Variants in ARL4A observed in about 807,000 individuals in gnomAD.
ARL4A encodes the protein ADP-ribosylation factor-like protein 4A.
Under a neutral mutation model 13.9 loss-of-function variants are expected in ARL4A, and 5 were observed. That is an observed-to-expected ratio of 0.36 (90% CI 0.19 to 0.75). ARL4A has a LOEUF of 0.75. ARL4A is among the 30% of genes least tolerant of loss of function. The probability of loss-of-function intolerance (pLI) is 0.53; values close to 1 mark genes in which losing one functional copy is unlikely to be tolerated. For missense variants in ARL4A, 147 were observed against 225.8 expected (o/e 0.65, Z 2.24); for synonymous variants, 77 against 84.4 (o/e 0.91, Z 0.48).
chr7:12,687,551 A>G (rs1478663162), upstream of ARL4A: 1 of 152,752 alleles, frequency 6.5e-6, no homozygotes, highest in Non-Finnish European at 1.5e-5. This position sits in a 1 kb window ranked among gnomAD's most constrained non-coding sequence, Gnocchi z 5.6. Context: ...CGGGTGACCA[A>G]TGGGATTTGG....
In ARL4A at chr7:12,688,897, C is replaced by G. The variant is rs1266357824; in HGVS notation, c.*40C>G. The G allele has an allele frequency of 5.2e-6, 8 of 1,544,644 alleles. No individual in the cohort carries two copies. The highest frequency in any genetic ancestry group is 2.0e-5 in the Admixed American group (1 of 49,764). ...TATATCTGTGTGGAGTAGGTTTTCT[C>G]TGGTCTGATTTTGACAAATAGAAGA... On this transcript the variant is annotated 3_prime_UTR_variant, in exon 2 of 2. Transcript: ENST00000651779. The surrounding 1 kb of genome is among the most constrained non-coding windows in gnomAD (Gnocchi z 5.2).
At position 12,690,767 on chromosome 7, in the gene ARL4A, G is replaced by C. The variant is rs1465647107; in HGVS notation, c.*1910G>C. 6.0e-6 allele frequency: 1 copy of C among 166,208 alleles called. No individual in the cohort carries two copies. The highest frequency in any genetic ancestry group is 2.4e-5 in the African/African-American group (1 of 41,272). 10.3% of individuals were successfully genotyped at this position (166,208 alleles called of 1,614,324 possible). On this transcript the variant is annotated 3_prime_UTR_variant, in exon 2 of 2. Coordinates refer to ENST00000651779, the MANE Select transcript of ARL4A (RefSeq NM_005738.5). ...ATTTACCAGTTTGCCTGTACTTTCT[G>C]TCTACCTACTATGTAAAATAGTGCT...
Position 12,688,688 on chromosome 7 carries a change from C to T in ARL4A, c.434C>T (p.Ser145Leu). Residue 145 changes from serine to leucine, a missense_variant, in exon 2 of 2, where the codon TCA (serine) becomes TTA (leucine). By Grantham distance (145) the Ser-to-Leu change is moderately radical. Transcript: ENST00000651779. The surrounding 1 kb of genome is among the most constrained non-coding windows in gnomAD (Gnocchi z 5.2). The part of the protein sequence containing the change: ...KQDLRNSLSL[S>L]EIEKLLAMGE... ...GATTTGAGGAACTCATTGTCACTTT[C>T]AGAAATTGAGAAATTGTTAGCAATG... 6.2e-7 allele frequency: 1 copy of T among 1,613,950 alleles called. No homozygotes were observed. Among genetic ancestry groups the T allele is most frequent in the Non-Finnish European group, 8.5e-7 (1 of 1,179,870 alleles).
Position 12,690,220 on chromosome 7 carries a change from G to C in ARL4A, c.*1363G>C, listed in dbSNP as rs538619784. The C allele has an allele frequency of 2.4e-5, 4 of 166,762 alleles. No homozygotes were observed. The highest frequency in any genetic ancestry group is 9.6e-5 in the African/African-American group (4 of 41,472). 10.3% of individuals were successfully genotyped at this position (166,762 alleles called of 1,614,324 possible). A position where few individuals can be genotyped will look rare whatever the true frequency, so the allele number is the denominator to read the frequency against. Reference sequence around the variant, plus strand: ...AATCAGCTTATTTTTTATGTCTAAAGCAACAGCTGTTCTGAAAAATCACCA... The same window carrying C: ...AATCAGCTTATTTTTTATGTCTAAACCAACAGCTGTTCTGAAAAATCACCA... On this transcript the variant is annotated 3_prime_UTR_variant, in exon 2 of 2. Coordinates refer to ENST00000651779, the MANE Select transcript of ARL4A (RefSeq NM_005738.5).
chr7:12,688,087 T>C lies in ARL4A; in HGVS notation c.-89-79T>C, dbSNP rs1450478415. ...AAGTTATAGTAAGTTCTTCGTGTTG[T>C]TTATTTTAGCAAAGTAGAGCAAACC... On this transcript the variant is annotated intron_variant, in intron 1 of 1. Transcript: ENST00000651779. This position sits in a 1 kb window ranked among gnomAD's most constrained non-coding sequence, Gnocchi z 5.2. 2 of 1,016,714 alleles carry C rather than the reference T, an allele frequency of 2.0e-6. No homozygotes were observed. The highest frequency in any genetic ancestry group is 1.6e-5 in the African/African-American group (1 of 61,854). The allele number at this position is 1,016,714 out of a possible 1,614,324, so 63.0% of individuals were successfully genotyped here. A position where few individuals can be genotyped will look rare whatever the true frequency, so the allele number is the denominator to read the frequency against.
In ARL4A at chr7:12,688,804, G is replaced by T. The variant is rs1447790080; in HGVS notation, c.550G>T (p.Asp184Tyr). 1 of 1,609,572 alleles carries T rather than the reference G, an allele frequency of 6.2e-7. No homozygotes were observed. Among genetic ancestry groups the T allele is most frequent in the African/African-American group, 1.3e-5 (1 of 74,520 alleles). ...GLKEGLEKLH[D>Y]MIIKRRKMLR... Reference sequence around the variant, plus strand: ...AAAGGAAGGACTTGAGAAACTACATGATATGATCATTAAAAGAAGAAAAAT... The same window carrying T: ...AAAGGAAGGACTTGAGAAACTACATTATATGATCATTAAAAGAAGAAAAAT... Residue 184 changes from aspartate (D) to tyrosine (Y), a missense_variant, in exon 2 of 2, where the codon GAT (aspartate) becomes TAT (tyrosine). Asp to Tyr is a radical substitution (Grantham distance 160). Coordinates refer to ENST00000651779, the MANE Select transcript of ARL4A (RefSeq NM_005738.5). This position sits in a 1 kb window ranked among gnomAD's most constrained non-coding sequence, Gnocchi z 5.2.
Position 12,690,306 on chromosome 7 carries a change from T to G in ARL4A, c.*1449T>G, listed in dbSNP as rs1204641423. ...CTTTGGGTTTTGTTTTTTTGTTTTT[T>G]TTTTTTTTCAGTGGCATAACAGTTT... On this transcript the variant is annotated 3_prime_UTR_variant, in exon 2 of 2. Transcript: ENST00000651779. The G allele has an allele frequency of 6.0e-6, 1 of 166,486 alleles. No individual in the cohort carries two copies. The highest frequency in any genetic ancestry group is 2.4e-5 in the African/African-American group (1 of 41,422). The allele number at this position is 166,486 out of a possible 1,614,324, so 10.3% of individuals were successfully genotyped here.
In ARL4A at chr7:12,688,684, C is replaced by G; in HGVS notation, c.430C>G (p.Leu144Val). The change falls in exon 2 of 2, where the codon CTT (leucine) becomes GTT (valine). Residue 144 changes from leucine to valine, a missense_variant. By Grantham distance (32) the Leu-to-Val change is conservative. Transcript: ENST00000651779. This position sits in a 1 kb window ranked among gnomAD's most constrained non-coding sequence, Gnocchi z 5.2. ...ACAAGATTTGAGGAACTCATTGTCA[C>G]TTTCAGAAATTGAGAAATTGTTAGC... ...NKQDLRNSLS[L>V]SEIEKLLAMG... 6.2e-7 allele frequency: 1 copy of G among 1,613,978 alleles called. No homozygotes were observed. The highest frequency in any genetic ancestry group is 8.5e-7 in the Non-Finnish European group (1 of 1,179,872).
Position 12,690,370 on chromosome 7 carries a change from G to A in ARL4A, c.*1513G>A, listed in dbSNP as rs1171833597. On this transcript the variant is annotated 3_prime_UTR_variant, in exon 2 of 2. Transcript: ENST00000651779. ...TCTTGTGTCACACAAAATGAATGAA[G>A]TAGCTTGATGTGGAGCCTTCATATG... 2.4e-5 allele frequency: 4 copies of A among 164,940 alleles called. No individual in the cohort carries two copies. Among genetic ancestry groups the A allele is most frequent in the African/African-American group, 7.3e-5 (3 of 41,026 alleles). The allele number at this position is 164,940 out of a possible 1,614,324, so 10.2% of individuals were successfully genotyped here.
rs976390607 is a variant in ARL4A, at chr7:12,687,723, C to T, written c.-95C>T. The T allele has an allele frequency of 6.5e-6, 1 of 153,028 alleles. No individual in the cohort carries two copies. The highest frequency in any genetic ancestry group is 2.4e-5 in the African/African-American group (1 of 41,444). The allele number at this position is 153,028 out of a possible 1,614,324, so 9.5% of individuals were successfully genotyped here. A position where few individuals can be genotyped will look rare whatever the true frequency, so the allele number is the denominator to read the frequency against. On this transcript the variant is annotated 5_prime_UTR_variant, in exon 1 of 2. Transcript: ENST00000651779. This position sits in a 1 kb window ranked among gnomAD's most constrained non-coding sequence, Gnocchi z 5.6. ...TCTCATTTGGACCCAGACTCCAGAT[C>T]GGGAGGTGAGAACGTTGTTATTTTG...
chr7:12,688,845 A>G lies in ARL4A; in HGVS notation c.591A>G (p.Lys197=). The change falls in exon 2 of 2, where the codon AAA becomes AAG. Residue 197 remains lysine, a synonymous_variant. Transcript: ENST00000651779. The surrounding 1 kb of genome is among the most constrained non-coding windows in gnomAD (Gnocchi z 5.2). ...GAAGAAAAATGTTGCGGCAACAGAA[A>G]AAGAAAAGATGAATATCAATACCTA... ...IKRRKMLRQQ[K]KKR is the part of the protein sequence containing the mutation. The G allele has an allele frequency of 1.9e-6, 3 of 1,606,626 alleles. No homozygotes were observed. Among genetic ancestry groups the G allele is most frequent in the South Asian group, 1.1e-5 (1 of 89,696 alleles).
In ARL4A at chr7:12,688,323, T is replaced by G. The variant is rs1289072720; in HGVS notation, c.69T>G (p.Ile23Met). ...TGCCTTCATTTCAGTCTTTCCACAT[T>G]GTTATTCTGGGTTTGGACTGTGCTG... Reference protein sequence around the residue: ...SNLPSFQSFHIVILGLDCAGK... With the variant: ...SNLPSFQSFHMVILGLDCAGK... The change falls in exon 2 of 2, where the codon ATT becomes ATG. Residue 23 changes from isoleucine to methionine, a missense_variant. Coordinates refer to ENST00000651779, the MANE Select transcript of ARL4A (RefSeq NM_005738.5). This position sits in a 1 kb window ranked among gnomAD's most constrained non-coding sequence, Gnocchi z 5.2. 6.2e-7 allele frequency: 1 copy of G among 1,613,708 alleles called. No homozygotes were observed. The highest frequency in any genetic ancestry group is 2.2e-5 in the East Asian group (1 of 44,884).
chr7:12,688,975 G>C lies in ARL4A; in HGVS notation c.*118G>C. On this transcript the variant is annotated 3_prime_UTR_variant, in exon 2 of 2. Coordinates refer to ENST00000651779, the MANE Select transcript of ARL4A (RefSeq NM_005738.5). This position sits in a 1 kb window ranked among gnomAD's most constrained non-coding sequence, Gnocchi z 5.2. Reference sequence around the variant, plus strand: ...CCCTCCTGGATGCTATTAAAGCTTTGTTTTGTTGAACAATCAGATGCCCAA... The same window carrying C: ...CCCTCCTGGATGCTATTAAAGCTTTCTTTTGTTGAACAATCAGATGCCCAA... 9.4e-7 allele frequency: 1 copy of C among 1,066,266 alleles called. No individual in the cohort carries two copies. Among genetic ancestry groups the C allele is most frequent in the Non-Finnish European group, 1.4e-6 (1 of 734,088 alleles). 66.1% of individuals were successfully genotyped at this position (1,066,266 alleles called of 1,614,324 possible).
rs972095367 is a variant in ARL4A, at chr7:12,689,098, C to T, written c.*241C>T. On this transcript the variant is annotated 3_prime_UTR_variant, in exon 2 of 2. Transcript: ENST00000651779. ...TTTTGGTACTACCATTTGGGGAAGC[C>T]AAGCAAGGATAGTAAATTGACCAGA... 2.3e-6 allele frequency: 1 copy of T among 427,712 alleles called. No homozygotes were observed. The highest frequency in any genetic ancestry group is 2.0e-5 in the African/African-American group (1 of 49,664). The allele number at this position is 427,712 out of a possible 1,614,324, so 26.5% of individuals were successfully genotyped here. A position where few individuals can be genotyped will look rare whatever the true frequency, so the allele number is the denominator to read the frequency against.
In ARL4A at chr7:12,689,928, A is replaced by AT. The variant is rs1487942019; in HGVS notation, c.*1071_*1072insT. The AT allele has an allele frequency of 6.0e-6, 1 of 167,042 alleles. No homozygotes were observed. The highest frequency in any genetic ancestry group is 2.4e-5 in the African/African-American group (1 of 41,454). 10.3% of individuals were successfully genotyped at this position (167,042 alleles called of 1,614,324 possible). The stretch of plus-strand genomic sequence containing the variant: ...GCTGTAGAATGAAAATGTAAAAGAT[A>AT]ACCTGTATGTGTTCCGAGCTTTAAT... On this transcript the variant is annotated 3_prime_UTR_variant, in exon 2 of 2. Coordinates refer to ENST00000651779, the MANE Select transcript of ARL4A (RefSeq NM_005738.5).
Position 12,688,148 on chromosome 7 carries a change from C to T in ARL4A, c.-89-18C>T, listed in dbSNP as rs992433715. 6 of 1,445,808 alleles carry T rather than the reference C, an allele frequency of 4.1e-6. No individual in the cohort carries two copies. The highest frequency in any genetic ancestry group is 2.3e-5 in the East Asian group (1 of 43,272). The allele number at this position is 1,445,808 out of a possible 1,614,324, so 89.6% of individuals were successfully genotyped here. A position where few individuals can be genotyped will look rare whatever the true frequency, so the allele number is the denominator to read the frequency against. On this transcript the variant is annotated intron_variant, in intron 1 of 1. Transcript: ENST00000651779. The surrounding 1 kb of genome is among the most constrained non-coding windows in gnomAD (Gnocchi z 5.2). Reference sequence around the variant, plus strand: ...TATTATTTCGGGAGAATAACTTATTCCTTCTTCCGTCTCCCAGCAGTCTTA... The same window carrying T: ...TATTATTTCGGGAGAATAACTTATTTCTTCTTCCGTCTCCCAGCAGTCTTA...
In ARL4A at chr7:12,689,008, G is replaced by A; in HGVS notation, c.*151G>A. On this transcript the variant is annotated 3_prime_UTR_variant, in exon 2 of 2. Transcript: ENST00000651779. ...GAACAATCAGATGCCCAACTCTGTT[G>A]CCTTGTGGAAGATGAGTAAATGCAG... 1 of 760,470 alleles carries A rather than the reference G, an allele frequency of 1.3e-6. No homozygotes were observed. The highest frequency in any genetic ancestry group is 2.1e-6 in the Non-Finnish European group (1 of 471,956). 47.1% of individuals were successfully genotyped at this position (760,470 alleles called of 1,614,324 possible).
rs1784591686 is a variant in ARL4A, at chr7:12,689,974, A to G, written c.*1117A>G. 1 of 167,080 alleles carries G rather than the reference A, an allele frequency of 6.0e-6. No homozygotes were observed. The highest frequency in any genetic ancestry group is 1.5e-5 in the Non-Finnish European group (1 of 68,118). 10.3% of individuals were successfully genotyped at this position (167,080 alleles called of 1,614,324 possible). A position where few individuals can be genotyped will look rare whatever the true frequency, so the allele number is the denominator to read the frequency against. On this transcript the variant is annotated 3_prime_UTR_variant, in exon 2 of 2. Coordinates refer to ENST00000651779, the MANE Select transcript of ARL4A (RefSeq NM_005738.5). ...TTAATTTTTTGTTTACAAATTGAAC[A>G]GTGTTACATGGGCTGTCCAGTCCTG...
chr7:12,687,197 G>A (rs1184885251), upstream of ARL4A: 3 of 152,164 alleles, frequency 2.0e-5, no homozygotes, highest in Admixed American at 2.0e-4. This position sits in a 1 kb window ranked among gnomAD's most constrained non-coding sequence, Gnocchi z 5.6. Flanking sequence ...GCGCCTCAGG[G>A]GCCCGCGCGG....
Sources: gnomAD v4.1 joint callset for allele counts on GRCh38, gnomAD v4.1.1 for gene constraint, Gnocchi (gnomAD v3.1) non-coding constraint, MANE v1.5 for transcripts, NCBI Gene and HGNC (gene_info 2026-07-23, HGNC 2026-07-21) for gene names.